Variants in DNAAF11 observed in about 807,000 individuals in gnomAD.
The protein encoded by DNAAF11 is dynein axonemal assembly factor 11, also known as leucine rich repeat containing 6.
DNAAF11 carries 45 observed loss-of-function variants against 60.8 expected under a neutral mutation model. The observed-to-expected ratio is 0.74, with a 90% CI of 0.58 to 0.95. The LOEUF (loss-of-function observed/expected upper bound fraction) is 0.95, where lower values mean the gene tolerates loss of function less well. Among genes scored for constraint, DNAAF11 ranks in the 40% least tolerant of loss-of-function variants. The probability of loss-of-function intolerance (pLI) is 0.00; values close to 1 mark genes in which losing one functional copy is unlikely to be tolerated. For synonymous variants in DNAAF11, 191 were observed against 183.5 expected (o/e 1.04, Z -0.33); for missense variants, 546 against 546.2 (o/e 1.00, Z 0.00).
At chr8:132,642,564 CA>C (rs1031693075) in intron 3 of DNAAF11, among the ~76,000 whole-genome samples, 2 of 152,228 alleles carry the variant, frequency 1.3e-5, no homozygotes, top group African/African-American at 4.8e-5. Flanking sequence ...GAAGCCAGAT[CA>C]AGTGTCTGGC....
chr8:132,607,615 C>A (rs753191667), intron 10 of DNAAF11, among the ~76,000 whole-genome samples: 2 of 152,114 alleles, frequency 1.3e-5, no homozygotes, highest in Non-Finnish European at 2.9e-5. Context: ...CATGAAAAAA[C>A]GCTGAGTAAC....
upstream of DNAAF11, among the ~76,000 whole-genome samples, chr8:132,678,974 A>G (rs565043968): frequency 2.6e-5 from 4 of 152,174 alleles, no homozygotes; most frequent in South Asian, 8.3e-4. Context: ...ATTCTACTGG[A>G]GAAAAATCTC....
At chr8:132,694,648 A>G in the DNAAF11 span, among the ~76,000 whole-genome samples, 18 of 152,274 alleles carry the variant, frequency 1.2e-4, no homozygotes, top group Non-Finnish European at 2.9e-5. Flanking sequence ...TAACTAAGAT[A>G]GTGAAGACAG....
In DNAAF11 at chr8:132,572,659, C is replaced by T. The variant is rs55654649; in HGVS notation, c.1227-179G>A. On this transcript the variant is annotated intron_variant, in intron 11 of 11. Coordinates refer to ENST00000620350, the MANE Select transcript of DNAAF11 (RefSeq NM_012472.6). The stretch of plus-strand genomic sequence containing the variant: ...AGCTTAGAGCCTTGTAGAATCAAGA[C>T]TCTGACCTGTGGAGAAGAAAAGTTC... Among the ~76,000 whole-genome samples the T allele has an allele frequency of 0.17, 24,984 of 150,774 alleles. 3,298 individuals carry two copies. The highest frequency in any genetic ancestry group is 0.37 in the African/African-American group (15,108 of 40,884).
intron 10 of DNAAF11, among the ~76,000 whole-genome samples, chr8:132,605,923 A>T (rs1016659105): frequency 1.7e-4 from 25 of 150,874 alleles, no homozygotes; most frequent in Admixed American, 1.3e-3. Context: ...AAGTGGTAGA[A>T]GATGATGTCA....
the DNAAF11 span, among the ~76,000 whole-genome samples, chr8:132,701,344 G>T: frequency 3.3e-5 from 5 of 152,202 alleles, no homozygotes; most frequent in African/African-American, 1.2e-4. Flanking sequence ...ATAGAGTAAT[G>T]ACCACAGAGG....
At chr8:132,598,453 T>C (rs989471591) in intron 10 of DNAAF11, among the ~76,000 whole-genome samples, 1 of 152,202 alleles carries the variant, frequency 6.6e-6, no homozygotes, top group Non-Finnish European at 1.5e-5. Context: ...GTTTAAACTG[T>C]TTATCACAGA....
intron 6 of DNAAF11, among the ~76,000 whole-genome samples, chr8:132,623,927 A>G (rs1346834890): frequency 6.6e-6 from 1 of 152,174 alleles, no homozygotes; most frequent in Non-Finnish European, 1.5e-5. Flanking sequence ...TGGTAACACA[A>G]TCAGAGGCAA....
intron 7 of DNAAF11, among the ~76,000 whole-genome samples, chr8:132,616,893 T>C (rs1053829729): frequency 7.9e-5 from 12 of 152,180 alleles, no homozygotes; most frequent in African/African-American, 2.4e-4. Context: ...CCTATTCCTA[T>C]GTCCTTCCAC....
At chr8:132,654,189 T>TTA (rs1413503922) in intron 3 of DNAAF11, among the ~76,000 whole-genome samples, 1 of 151,972 alleles carries the variant, frequency 6.6e-6, no homozygotes, top group Non-Finnish European at 1.5e-5. Context: ...AAAGGACATT[T>TTA]TATAATAATA....
chr8:132,681,811 G>A, the DNAAF11 span, among the ~76,000 whole-genome samples: 2 of 152,148 alleles, frequency 1.3e-5, no homozygotes, highest in South Asian at 2.1e-4. Flanking sequence ...GTTTTAGTTA[G>A]GACTTTACTG....
intron 5 of DNAAF11, among the ~76,000 whole-genome samples, chr8:132,629,339 C>CTTTTTTTTTTTT (rs202230443): frequency 2.8e-4 from 42 of 147,440 alleles, no homozygotes; most frequent in Non-Finnish European, 5.4e-4. Flanking sequence ...GATACCCATT[C>CTTTTTTTTTTTT]TCTTTTTTTT....
At chr8:132,582,889 G>A (rs1363350750) in intron 11 of DNAAF11, among the ~76,000 whole-genome samples, 1 of 152,170 alleles carries the variant, frequency 6.6e-6, no homozygotes, top group Non-Finnish European at 1.5e-5. Flanking sequence ...AAGGACAGTT[G>A]GAAGAACTGG....
At chr8:132,637,892 T>A in intron 4 of DNAAF11, 43 bp downstream of exon 4, 1 of 1,528,346 alleles carries the variant, frequency 6.5e-7, no homozygotes. Flanking sequence ...TAGTTGCTCA[T>A]GCTCATTTAT....
chr8:132,606,119 T>C lies in DNAAF11; in HGVS notation c.1140+4047A>G, dbSNP rs1258176850. Among the ~76,000 whole-genome samples, 7 of 152,172 alleles carry C rather than the reference T, an allele frequency of 4.6e-5. No individual in the cohort carries two copies. In the East Asian group the frequency reaches 1.3e-3, roughly 29 times the overall value. On this transcript the variant is annotated intron_variant, in intron 10 of 11. Transcript: ENST00000620350. The stretch of plus-strand genomic sequence containing the variant: ...ACTGTATCTTAATGTTGTAGAACAA[T>C]GAATTACTTGCATGTTTGTGGTGAT...
In DNAAF11 at chr8:132,637,931, A is replaced by G; in HGVS notation, c.429+4T>C. ...TGATTTCTGCACCATTAAAAGAACC[A>G]TACCTTTAATTGTGGAAGAGTTGCT... On this transcript the variant is annotated splice_donor_region_variant and intron_variant, in intron 4 of 11. Transcript: ENST00000620350. 6.2e-7 allele frequency: 1 copy of G among 1,600,124 alleles called. No individual in the cohort carries two copies. Among genetic ancestry groups the G allele is most frequent in the Non-Finnish European group, 8.5e-7 (1 of 1,173,052 alleles).
intron 3 of DNAAF11, among the ~76,000 whole-genome samples, chr8:132,655,572 G>T (rs968194880): frequency 6.6e-6 from 1 of 151,986 alleles, no homozygotes; most frequent in Admixed American, 6.5e-5. Context: ...TCTGATCGAA[G>T]TCTAGCATCT....
chr8:132,591,517 C>T (rs1816461531), intron 10 of DNAAF11, among the ~76,000 whole-genome samples: 1 of 151,736 alleles, frequency 6.6e-6, no homozygotes, highest in South Asian at 2.1e-4. Context: ...TTGTAACTGT[C>T]GTTTCCCACC....
At chr8:132,668,371 G>A (rs1435158877) in intron 1 of DNAAF11, among the ~76,000 whole-genome samples, 1 of 152,220 alleles carries the variant, frequency 6.6e-6, no homozygotes, top group East Asian at 1.9e-4. Context: ...AAAGTATGAT[G>A]AGTGCACAGG....
Sources: allele counts gnomAD v4.1 joint callset (sites outside exome capture counted in the v4.1 genomes callset), GRCh38; gene constraint gnomAD v4.1.1; transcripts MANE v1.5; gene names NCBI Gene and HGNC (gene_info 2026-07-23, HGNC 2026-07-21).